The following CHL1 variants were observed in gnomAD, a reference collection of about 807,000 sequenced individuals.
The protein encoded by CHL1 is neural cell adhesion molecule L1-like protein.
CHL1 carries 96 observed loss-of-function variants against 141.9 expected under a neutral mutation model. That is an observed-to-expected ratio of 0.68 (90% CI 0.57 to 0.80). CHL1 has a LOEUF of 0.80. Ranked by LOEUF, CHL1 falls within the 30% of genes least tolerant of loss-of-function variation. CHL1 has a pLI of 0.00. For synonymous variants in CHL1, 613 were observed against 502.2 expected, an observed-to-expected ratio of 1.22 and a Z score of -2.95; for missense variants, 1,820 against 1,457.2, an observed-to-expected ratio of 1.25 and a Z score of -4.05.
chr3:289,178 G>T (rs951776556), intron 2 of CHL1, among the ~76,000 whole-genome samples: 89 of 152,048 alleles, frequency 5.9e-4, no homozygotes, highest in African/African-American at 2.1e-3. Flanking sequence ...CATTTAAAAG[G>T]GAGTCATGAA....
At chr3:226,683 C>G (rs1396567659) in intron 1 of CHL1, among the ~76,000 whole-genome samples, 3 of 152,022 alleles carry the variant, frequency 2.0e-5, no homozygotes, top group African/African-American at 7.2e-5. Flanking sequence ...CTGACCTCAG[C>G]AGATCCACCT....
intron 25 of CHL1, 97 bp from the exon 26 acceptor site, chr3:398,920 T>A: frequency 4.5e-6 from 5 of 1,121,106 alleles, no homozygotes; most frequent in African/African-American, 3.1e-5. Flanking sequence ...TGATACTATT[T>A]GGTATGTTTA....
chr3:314,895 A>C (rs1700049369), intron 2 of CHL1, among the ~76,000 whole-genome samples: 1 of 152,170 alleles, frequency 6.6e-6, no homozygotes, highest in South Asian at 2.1e-4. Context: ...GTGACCACAA[A>C]GAGGGGAAGA....
At chr3:381,314 A>G (rs889198347) in intron 16 of CHL1, among the ~76,000 whole-genome samples, 15 of 152,168 alleles carry the variant, frequency 9.9e-5, no homozygotes, top group African/African-American at 3.4e-4. Flanking sequence ...AAGGGTTTTT[A>G]TGGAACCAAA....
chr3:358,707 G>GA (rs1416604979), intron 11 of CHL1, among the ~76,000 whole-genome samples: 2 of 151,692 alleles, frequency 1.3e-5, no homozygotes, highest in Non-Finnish European at 2.9e-5. Flanking sequence ...ACAGTCAAGT[G>GA]AAAAAAATCT....
chr3:279,214 TA>T (rs1261665613), intron 2 of CHL1, among the ~76,000 whole-genome samples: 1 of 152,248 alleles, frequency 6.6e-6, no homozygotes, highest in Non-Finnish European at 1.5e-5. Flanking sequence ...AGAGAAATAG[TA>T]AAAGTTTTTT....
intron 2 of CHL1, among the ~76,000 whole-genome samples, chr3:275,320 T>C (rs1471839101): frequency 6.6e-6 from 1 of 152,228 alleles, no homozygotes; most frequent in Non-Finnish European, 1.5e-5. Flanking sequence ...ACTGGTCAGA[T>C]TTCCCTTGTC....
intron 2 of CHL1, among the ~76,000 whole-genome samples, chr3:265,060 G>A (rs1349401144): frequency 6.6e-6 from 1 of 152,194 alleles, no homozygotes; most frequent in Non-Finnish European, 1.5e-5. Flanking sequence ...CTACTGCTAA[G>A]GCAACAACCA....
intron 15 of CHL1, among the ~76,000 whole-genome samples, chr3:370,520 T>A (rs1705491417): frequency 9.9e-6 from 1 of 100,942 alleles, no homozygotes; most frequent in African/African-American, 3.4e-5. Flanking sequence ...GTCATCTATC[T>A]ATTTTGTTAA....
intron 2 of CHL1, among the ~76,000 whole-genome samples, chr3:304,354 G>A (rs1434744376): frequency 6.6e-6 from 1 of 152,182 alleles, no homozygotes; most frequent in Non-Finnish European, 1.5e-5. Flanking sequence ...GAATACGGCT[G>A]TGAATCCATC....
At chr3:363,076 A>T in intron 13 of CHL1, 141 bp from the exon 14 acceptor site, 1 of 663,342 alleles carries the variant, frequency 1.5e-6, no homozygotes, top group Non-Finnish European at 2.5e-6. Flanking sequence ...TTTGAGAAAA[A>T]TATGAAACCC....
At chr3:340,717 AAGAAC>A in intron 5 of CHL1, 72 bp from the exon 6 acceptor site, 1 of 1,222,536 alleles carries the variant, frequency 8.2e-7, no homozygotes, top group Non-Finnish European at 1.1e-6. Flanking sequence ...TTTGAAAAAA[AAGAAC>A]ATATTAAGAT....
At position 407,601 on chromosome 3, in the gene CHL1, C is replaced by T. The variant is rs1365998895; in HGVS notation, c.*1890C>T. On this transcript the variant is annotated 3_prime_UTR_variant, in exon 28 of 28. Transcript: ENST00000256509. ...GGTTCCAGTTTTCTGGAGGGACAGT[C>T]ATCATGTTTTGATTTATCTGGGAGA... 1.3e-5 allele frequency: 2 copies of T among 152,042 alleles called. No individual in the cohort carries two copies. Among genetic ancestry groups the T allele is most frequent in the African/African-American group, 2.4e-5 (1 of 41,392 alleles). 9.4% of individuals were successfully genotyped at this position (152,042 alleles called of 1,614,324 possible).
chr3:291,456 C>CTTTTTTTTT (rs201416513), intron 2 of CHL1, among the ~76,000 whole-genome samples: 1 of 146,100 alleles, frequency 6.8e-6, no homozygotes. Context: ...TTTTCTTTTT[C>CTTTTTTTTT]TTTTTCTTTT....
chr3:323,081 G>T (rs1700725742), intron 3 of CHL1, among the ~76,000 whole-genome samples: 1 of 151,906 alleles, frequency 6.6e-6, no homozygotes, highest in Non-Finnish European at 1.5e-5. Flanking sequence ...TTGCATCATT[G>T]CTTGAGTCCT....
intron 1 of CHL1, among the ~76,000 whole-genome samples, chr3:211,716 T>C (rs1699918840): frequency 6.6e-6 from 1 of 152,226 alleles, no homozygotes; most frequent in African/African-American, 2.4e-5. Context: ...AGTTTTCATA[T>C]TTCAAAAACA....
At chr3:245,982 T>C (rs1356063779) in intron 2 of CHL1, among the ~76,000 whole-genome samples, 1 of 152,172 alleles carries the variant, frequency 6.6e-6, no homozygotes, top group Non-Finnish European at 1.5e-5. Flanking sequence ...AAGTCTCTTG[T>C]AACATTAAAA....
intron 5 of CHL1, among the ~76,000 whole-genome samples, chr3:332,504 T>C (rs1701519699): frequency 6.6e-6 from 1 of 152,192 alleles, no homozygotes; most frequent in South Asian, 2.1e-4. Context: ...TGGATTTCCA[T>C]TGTGTTTCTT....
chr3:249,180 A>G (rs1162210381), intron 2 of CHL1, among the ~76,000 whole-genome samples: 12 of 152,214 alleles, frequency 7.9e-5, no homozygotes, highest in African/African-American at 2.4e-5. Context: ...ATATATCACT[A>G]TTATCACCAA....
Sources: gnomAD v4.1 joint callset for allele counts (sites outside exome capture counted in the v4.1 genomes callset) on GRCh38, gnomAD v4.1.1 for gene constraint, MANE v1.5 for transcripts, NCBI Gene and HGNC (gene_info 2026-07-23, HGNC 2026-07-21) for gene names.